ZFP64: variants seen among roughly 807,000 people sequenced by gnomAD.
ZFP64 encodes the protein zinc finger protein 64.
A neutral mutation model predicts 51.6 loss-of-function variants in ZFP64; 14 were observed. The observed-to-expected ratio is 0.27, with a 90% CI of 0.18 to 0.42. The LOEUF (loss-of-function observed/expected upper bound fraction) is 0.42. Among genes scored for constraint, ZFP64 ranks in the 10% least tolerant of loss-of-function variants. The pLI is 1.00. For synonymous variants in ZFP64, 375 were observed against 361.4 expected, an observed-to-expected ratio of 1.04 and a Z score of -0.43; for missense variants, 754 against 906.8, an observed-to-expected ratio of 0.83 and a Z score of 2.16.
intron 5 of ZFP64, among the ~76,000 whole-genome samples, chr20:52,132,533 C>A (rs953636230): frequency 1.3e-5 from 2 of 152,012 alleles, no homozygotes; most frequent in East Asian, 1.9e-4. Flanking sequence ...GGTATTACAG[C>A]TGATTCTGCA....
chr20:52,085,039 T>C lies in ZFP64; in HGVS notation c.1456A>G (p.Ser486Gly), dbSNP rs1398413919. Reference sequence around the variant, plus strand: ...GGGTGGTCGGCCTGGTGCAGCCGGCTGTGCTCCAGGAGGTCAGCCCGGTCC... The same window carrying C: ...GGGTGGTCGGCCTGGTGCAGCCGGCCGTGCTCCAGGAGGTCAGCCCGGTCC... Residue 486 changes from serine to glycine, a missense_variant, in exon 9 of 9, where the codon AGC (serine) becomes GGC (glycine). By Grantham distance (56) the Ser-to-Gly change is moderately conservative. Coordinates refer to the ZFP64 transcript ENST00000361387. The surrounding 1 kb of genome is among the most constrained non-coding windows in gnomAD (Gnocchi z 4.3). 6.2e-7 allele frequency: 1 copy of C among 1,614,154 alleles called. No homozygotes were observed. The highest frequency in any genetic ancestry group is 1.7e-5 in the Admixed American group (1 of 60,034).
At position 52,085,257 on chromosome 20, in the gene ZFP64, G is replaced by C. The variant is rs752407916; in HGVS notation, c.1238C>G (p.Pro413Arg). Residue 413 changes from proline to arginine, a missense_variant, in exon 9 of 9, where the codon CCC becomes CGC. By Grantham distance (103) the Pro-to-Arg change is moderately radical (BLOSUM62 -2). Transcript: ENST00000361387. This position sits in a 1 kb window ranked among gnomAD's most constrained non-coding sequence, Gnocchi z 4.3. The stretch of plus-strand genomic sequence containing the variant: ...GGCGCTACAGAGCCAGCACTGGAAG[G>C]GGGTATCCCCTAGCAATGGAAGGTG... 12 of 1,611,488 alleles carry C rather than the reference G, an allele frequency of 7.4e-6. No individual in the cohort carries two copies. The highest frequency in any genetic ancestry group is 2.2e-5 in the South Asian group (2 of 90,828).
rs150898528 is a variant in ZFP64, at chr20:52,121,792, C to T, written c.764-23205G>A. 2.0e-3 allele frequency among the ~76,000 whole-genome samples: 297 copies of T among 152,272 alleles called. 1 individual carries two copies. The highest frequency in any genetic ancestry group is 6.9e-3 in the African/African-American group (287 of 41,564). ...AAGATGCCATTTAGGACATTCATAG[C>T]TAGAGAGGAGAAGTCAATGTCTGGC... On this transcript the variant is annotated intron_variant, in intron 5 of 8. Transcript: ENST00000361387.
chr20:52,165,441 T>C (rs1395858711), intron 3 of ZFP64: 2 of 457,420 alleles, frequency 4.4e-6, no homozygotes, highest in Non-Finnish European at 8.7e-6. Flanking sequence ...TATAATAAAA[T>C]GGTAACATTT....
intron 6 of ZFP64, among the ~76,000 whole-genome samples, chr20:52,097,737 G>A (rs2079005617): frequency 6.6e-6 from 1 of 152,132 alleles, no homozygotes; most frequent in African/African-American, 2.4e-5. Context: ...TGGGATTACA[G>A]GTGTGAGCCA....
Position 52,085,256 on chromosome 20 carries a change from G to T in ZFP64, c.1239C>A (p.Pro413=), listed in dbSNP as rs767372174. 6.2e-7 allele frequency: 1 copy of T among 1,612,112 alleles called. No individual in the cohort carries two copies. Among genetic ancestry groups the T allele is most frequent in the Non-Finnish European group, 8.5e-7 (1 of 1,178,698 alleles). Reference sequence around the variant, plus strand: ...TGGCGCTACAGAGCCAGCACTGGAAGGGGGTATCCCCTAGCAATGGAAGGT... The same window carrying T: ...TGGCGCTACAGAGCCAGCACTGGAATGGGGTATCCCCTAGCAATGGAAGGT... Residue 413 remains proline, a synonymous_variant, in exon 9 of 9, where the codon CCC becomes CCA. Coordinates refer to the ZFP64 transcript ENST00000361387. The surrounding 1 kb of genome is among the most constrained non-coding windows in gnomAD (Gnocchi z 4.3).
chr20:52,168,784 T>G (rs75114066), intron 2 of ZFP64, among the ~76,000 whole-genome samples: 1 of 152,372 alleles, frequency 6.6e-6, no homozygotes, highest in Non-Finnish European at 1.5e-5. Context: ...AAGCAATTAC[T>G]TTTCATCTTC....
intron 2 of ZFP64, among the ~76,000 whole-genome samples, chr20:52,167,843 A>C (rs1456816054): frequency 6.6e-6 from 1 of 152,120 alleles, no homozygotes. Context: ...ATCACTGTTT[A>C]TTTTAGCTTT....
chr20:52,129,583 C>A (rs933976903), intron 5 of ZFP64, among the ~76,000 whole-genome samples: 1 of 152,172 alleles, frequency 6.6e-6, no homozygotes, highest in African/African-American at 2.4e-5. Flanking sequence ...CTCACTCCTC[C>A]GTTCTTTGTC....
chr20:52,128,827 A>G (rs1979569616), intron 5 of ZFP64, among the ~76,000 whole-genome samples: 1 of 152,180 alleles, frequency 6.6e-6, no homozygotes. Flanking sequence ...CGTCTTATAT[A>G]CATGGTATAA....
intron 5 of ZFP64, among the ~76,000 whole-genome samples, chr20:52,100,808 G>C (rs1191797122): frequency 6.6e-6 from 1 of 152,184 alleles, no homozygotes; most frequent in Non-Finnish European, 1.5e-5. Context: ...TGCAAAAGGA[G>C]ATTACATGCC....
chr20:52,129,778 A>T (rs932737933), intron 5 of ZFP64, among the ~76,000 whole-genome samples: 2 of 151,820 alleles, frequency 1.3e-5, no homozygotes, highest in African/African-American at 4.8e-5. Context: ...TGTTGTGACA[A>T]CTCGCCTGTC....
intron 2 of ZFP64, among the ~76,000 whole-genome samples, chr20:52,183,984 C>T (rs528066871): frequency 1.9e-4 from 29 of 152,214 alleles, no homozygotes; most frequent in Non-Finnish European, 3.7e-4. Context: ...CAAAGTAGCA[C>T]GGACTATAGG....
chr20:52,131,345 A>G (rs1236711319), intron 5 of ZFP64, among the ~76,000 whole-genome samples: 1 of 152,124 alleles, frequency 6.6e-6, no homozygotes. Context: ...GAAAACAAAT[A>G]AAATGGCAGG....
chr20:52,087,136 C>A lies in ZFP64; in HGVS notation c.1228+1256G>T, dbSNP rs533127373. ...CTCCTAGAAGCCAATACTACCCAGA[C>A]ATATTTCTAGATATAGATGTCCCCT... On this transcript the variant is annotated intron_variant, in intron 8 of 8. Coordinates refer to the ZFP64 transcript ENST00000361387. Among the ~76,000 whole-genome samples, 279 of 152,318 alleles carry A rather than the reference C, an allele frequency of 1.8e-3. 1 individual carries two copies. The highest frequency in any genetic ancestry group is 6.4e-3 in the African/African-American group (267 of 41,574).
intron 5 of ZFP64, among the ~76,000 whole-genome samples, chr20:52,141,478 G>A (rs1329329117): frequency 6.6e-6 from 1 of 152,180 alleles, no homozygotes; most frequent in Non-Finnish European, 1.5e-5. Context: ...TTTGTAAGAA[G>A]TTGATTCCAA....
chr20:52,120,675 T>C (rs994631306), intron 5 of ZFP64, among the ~76,000 whole-genome samples: 2 of 132,958 alleles, frequency 1.5e-5, no homozygotes, highest in South Asian at 2.7e-4. Flanking sequence ...ATCTTTTTTT[T>C]TTTTTTTTTT....
chr20:52,164,966 T>G, intron 3 of ZFP64: 1 of 678,456 alleles, frequency 1.5e-6, no homozygotes, highest in Non-Finnish European at 2.7e-6. Context: ...CTGAATCTGA[T>G]CATAAGGAAA....
At chr20:52,132,902 C>A (rs1426934534) in intron 5 of ZFP64, among the ~76,000 whole-genome samples, 2 of 151,252 alleles carry the variant, frequency 1.3e-5, no homozygotes, top group African/African-American at 4.9e-5. Flanking sequence ...AAAAACACAT[C>A]AAAAAAAAGA....
Sources: allele counts gnomAD v4.1 joint callset (sites outside exome capture counted in the v4.1 genomes callset), GRCh38; gene constraint gnomAD v4.1.1; non-coding constraint Gnocchi (gnomAD v3.1); transcripts MANE v1.5; gene names NCBI Gene and HGNC (gene_info 2026-07-23, HGNC 2026-07-21).